The following SLC24A3 variants were observed in gnomAD, a reference collection of about 807,000 sequenced individuals.
SLC24A3 encodes the protein sodium/potassium/calcium exchanger 3.
SLC24A3 carries 28 observed loss-of-function variants against 75.8 expected under a neutral mutation model. That is an observed-to-expected ratio of 0.37 (90% CI 0.27 to 0.51). The LOEUF (loss-of-function observed/expected upper bound fraction) is 0.51, where lower values mean the gene tolerates loss of function less well. Ranked by LOEUF, SLC24A3 falls within the 20% of genes least tolerant of loss-of-function variation. The pLI is 0.94. For missense variants in SLC24A3, 663 were observed against 847.8 expected (o/e 0.78, Z 2.71); for synonymous variants, 372 against 334.1 (o/e 1.11, Z -1.24).
At chr20:19,654,260 C>A in intron 7 of SLC24A3, 124 bp downstream of exon 7, 1 of 798,130 alleles carries the variant, frequency 1.3e-6, no homozygotes, top group Non-Finnish European at 2.1e-6. Flanking sequence ...CATGTCTTTG[C>A]TTGGAGGCAG....
Position 19,543,569 on chromosome 20 carries a change from C to T in SLC24A3, c.348+28005C>T, listed in dbSNP as rs182527217. Among the ~76,000 whole-genome samples the T allele has an allele frequency of 1.1e-3, 174 of 152,204 alleles. 3 individuals are homozygous for T. Among genetic ancestry groups the T allele is most frequent in the African/African-American group, 1.7e-3 (72 of 41,540 alleles). ...CAGGCCGGGGAGGGAGGCCAACCTG[C>T]GGTGCTGCATGAGAGGTCTCCCCAC... is the stretch of plus-strand genomic sequence containing the variant. On this transcript the variant is annotated intron_variant, in intron 3 of 16. Transcript: ENST00000328041.
chr20:19,406,394 C>T (rs1986647410), intron 2 of SLC24A3, among the ~76,000 whole-genome samples: 1 of 152,110 alleles, frequency 6.6e-6, no homozygotes, highest in Non-Finnish European at 1.5e-5. Context: ...GTTTGGAGTG[C>T]AGTTTTACAG....
chr20:19,223,388 C>A (rs1322693498), intron 1 of SLC24A3, among the ~76,000 whole-genome samples: 1 of 152,140 alleles, frequency 6.6e-6, no homozygotes, highest in Non-Finnish European at 1.5e-5. Flanking sequence ...AATATCATAA[C>A]CAGGGTAATA....
At chr20:19,591,468 C>T (rs1205494549) in intron 6 of SLC24A3, among the ~76,000 whole-genome samples, 1 of 150,588 alleles carries the variant, frequency 6.6e-6, no homozygotes, top group Non-Finnish European at 1.5e-5. Context: ...TATCTCTAAT[C>T]TCCTCTGTTT....
intron 15 of SLC24A3, 108 bp downstream of exon 15, chr20:19,698,788 C>T (rs1568702450): frequency 2.5e-6 from 2 of 815,004 alleles, no homozygotes; most frequent in Admixed American, 2.3e-5. Context: ...GTGTAGAAAT[C>T]GTAATATTGA....
In SLC24A3 at chr20:19,696,015, CTTTT is replaced by C. The variant is rs778046824; in HGVS notation, c.1492-767_1492-764del. Among the ~76,000 whole-genome samples, 17 of 108,090 alleles carry C rather than the reference CTTTT, an allele frequency of 1.6e-4. No individual in the cohort carries two copies. The East Asian group carries it at 2.8e-3, about 18-fold the overall frequency. The allele number at this position is 108,090 out of a possible 152,430, so 70.9% of individuals were successfully genotyped here. A position where few individuals can be genotyped will look rare whatever the true frequency, so the allele number is the denominator to read the frequency against. ...ATGGCTTTCCCCTTTTTTTCCTTTT[CTTTT>C]TTTTTTTTTTTTTTGTGAGACAGGG... On this transcript the variant is annotated intron_variant, in intron 13 of 16. Transcript: ENST00000328041.
At chr20:19,689,899 C>T (rs916891265) in intron 12 of SLC24A3, among the ~76,000 whole-genome samples, 11 of 151,944 alleles carry the variant, frequency 7.2e-5, no homozygotes, top group Non-Finnish European at 1.5e-5. Context: ...GGCATGGTGG[C>T]ACACGCCTGT....
chr20:19,253,202 G>A (rs1259714180), intron 1 of SLC24A3, among the ~76,000 whole-genome samples: 2 of 152,174 alleles, frequency 1.3e-5, no homozygotes, highest in Non-Finnish European at 2.9e-5. Flanking sequence ...CATTCTCTAG[G>A]GGTTTGTTGG....
At chr20:19,314,277 ATTTAT>A (rs11474596) in intron 2 of SLC24A3, among the ~76,000 whole-genome samples, 11,962 of 126,368 alleles carry the variant, frequency 0.095, 931 homozygotes, top group East Asian at 0.25. Context: ...GTTTTTATTT[ATTTAT>A]TTTATTTTAT....
At chr20:19,391,973 G>A (rs1396202844) in intron 2 of SLC24A3, among the ~76,000 whole-genome samples, 5 of 152,160 alleles carry the variant, frequency 3.3e-5, no homozygotes. Context: ...CAAATGTTCT[G>A]GGTACAGATG....
intron 6 of SLC24A3, among the ~76,000 whole-genome samples, chr20:19,641,070 G>A (rs1362669396): frequency 6.6e-6 from 1 of 152,206 alleles, no homozygotes; most frequent in Non-Finnish European, 1.5e-5. Context: ...TTGTGCATAA[G>A]ATACAAAGTG....
intron 2 of SLC24A3, among the ~76,000 whole-genome samples, chr20:19,337,944 T>C (rs968991591): frequency 6.6e-6 from 1 of 152,094 alleles, no homozygotes; most frequent in African/African-American, 2.4e-5. Context: ...CAGCATCACT[T>C]CCTTCAATTA....
At chr20:19,439,026 G>C (rs1295271677) in intron 2 of SLC24A3, among the ~76,000 whole-genome samples, 1 of 152,206 alleles carries the variant, frequency 6.6e-6, no homozygotes, top group East Asian at 1.9e-4. Context: ...TGGCTTTCTG[G>C]GATGCAGAGT....
At chr20:19,605,155 TC>T (rs2122657117) in intron 6 of SLC24A3, among the ~76,000 whole-genome samples, 1 of 152,330 alleles carries the variant, frequency 6.6e-6, no homozygotes, top group African/African-American at 2.4e-5. Flanking sequence ...TTTGGGAAAC[TC>T]CCAGAGAGTG....
Position 19,407,104 on chromosome 20 carries a change from G to T in SLC24A3, c.272-108384G>T, listed in dbSNP as rs141651902. Reference sequence around the variant, plus strand: ...GGATATCAATTGACAATTACCAGAGGATCTGTTTCTGGAAACTGAGTAAGA... The same window carrying T: ...GGATATCAATTGACAATTACCAGAGTATCTGTTTCTGGAAACTGAGTAAGA... On this transcript the variant is annotated intron_variant, in intron 2 of 16. Transcript: ENST00000328041. Among the ~76,000 whole-genome samples the T allele has an allele frequency of 6.2e-3, 941 of 152,258 alleles. 12 individuals carry two copies. Among genetic ancestry groups the T allele is most frequent in the African/African-American group, 0.022 (899 of 41,530 alleles).
At chr20:19,568,254 T>G (rs2030993140) in intron 3 of SLC24A3, among the ~76,000 whole-genome samples, 1 of 152,122 alleles carries the variant, frequency 6.6e-6, no homozygotes, top group East Asian at 1.9e-4. Context: ...TAAAACAGAA[T>G]TACATGTGAA....
At chr20:19,250,149 T>A (rs1254546376) in intron 1 of SLC24A3, among the ~76,000 whole-genome samples, 2 of 152,336 alleles carry the variant, frequency 1.3e-5, no homozygotes, top group Admixed American at 1.3e-4. Context: ...GCTGGCATAT[T>A]TGCTGGCAAT....
In SLC24A3 at chr20:19,718,652, A is replaced by G. The variant is rs149971273; in HGVS notation, c.1785+1059A>G. 1.8e-4 allele frequency among the ~76,000 whole-genome samples: 27 copies of G among 152,338 alleles called. No individual in the cohort carries two copies. In the East Asian group the frequency reaches 4.8e-3, roughly 27 times the overall value. ...TTTTAGGCTATGCTATAGTTATACC[A>G]TCTACAGGAGACCTGGCTAACCACT... On this transcript the variant is annotated intron_variant, in intron 16 of 16. Transcript: ENST00000328041.
chr20:19,440,809 G>A, intron 2 of SLC24A3, among the ~76,000 whole-genome samples: 1 of 152,136 alleles, frequency 6.6e-6, no homozygotes, highest in East Asian at 1.9e-4. Flanking sequence ...TGGAGGGATG[G>A]ATGGAAGATG....
Sources: allele counts gnomAD v4.1 joint callset (sites outside exome capture counted in the v4.1 genomes callset), GRCh38; gene constraint gnomAD v4.1.1; transcripts MANE v1.5; gene names NCBI Gene and HGNC (gene_info 2026-07-23, HGNC 2026-07-21).